The following FGD4 variants were observed in gnomAD, a reference collection of about 807,000 sequenced individuals.
The protein encoded by FGD4 is FYVE, RhoGEF and PH domain-containing protein 4.
Under a neutral mutation model 102.0 loss-of-function variants are expected in FGD4, and 42 were observed. The observed-to-expected ratio is 0.41, with a 90% CI of 0.32 to 0.53. FGD4 has a LOEUF of 0.53. FGD4 is among the 20% of genes least tolerant of loss of function. FGD4 has a pLI of 0.21. For missense variants in FGD4, 902 were observed against 1,078.2 expected (o/e 0.84, Z 2.29); for synonymous variants, 380 against 375.7 (o/e 1.01, Z -0.13).
chr12:32,644,366 AGGT>A lies in FGD4; in HGVS notation c.*3834_*3836del, dbSNP rs1355317904. 6.6e-6 allele frequency: 1 copy of A among 152,188 alleles called. No individual in the cohort carries two copies. Among genetic ancestry groups the A allele is most frequent in the Non-Finnish European group, 1.5e-5 (1 of 68,008 alleles). 9.4% of individuals were successfully genotyped at this position (152,188 alleles called of 1,614,324 possible). ...ATGACTATGATACATAAAGACCACTAGGTCAACTTAAAAAACCCTTTCTGTGAA... is the reference window on the plus strand; with the variant it reads ...ATGACTATGATACATAAAGACCACTACAACTTAAAAAACCCTTTCTGTGAA... On this transcript the variant is annotated 3_prime_UTR_variant, in exon 17 of 17. Coordinates refer to ENST00000534526, the MANE Select transcript of FGD4 (RefSeq NM_001370298.3).
intron 1 of FGD4, among the ~76,000 whole-genome samples, chr12:32,517,044 T>C (rs1309502450): frequency 6.6e-6 from 1 of 152,220 alleles, no homozygotes; most frequent in Admixed American, 6.5e-5. Context: ...TTAGTGAAGC[T>C]TCTTTATTAA....
At chr12:32,525,286 G>A (rs12146714) in intron 1 of FGD4, among the ~76,000 whole-genome samples, 84 of 152,308 alleles carry the variant, frequency 5.5e-4, no homozygotes, top group Non-Finnish European at 1.0e-3. Flanking sequence ...TCATAACAAG[G>A]CTGTGAGAGT....
chr12:32,480,787 C>T (rs1424340784), intron 1 of FGD4, among the ~76,000 whole-genome samples: 9 of 149,458 alleles, frequency 6.0e-5, no homozygotes, highest in Non-Finnish European at 1.0e-4. Flanking sequence ...GCGTGAGCCA[C>T]CACGCCCGGC....
At chr12:32,539,078 TAAGA>T (rs962446212) in intron 1 of FGD4, among the ~76,000 whole-genome samples, 1 of 151,696 alleles carries the variant, frequency 6.6e-6, no homozygotes, top group African/African-American at 2.4e-5. Flanking sequence ...TAAAAATAAA[TAAGA>T]AAAAGAGGTC....
At chr12:32,470,674 G>A (rs1020037018) in intron 1 of FGD4, among the ~76,000 whole-genome samples, 2 of 151,906 alleles carry the variant, frequency 1.3e-5, no homozygotes, top group African/African-American at 4.8e-5. Context: ...TGCTGGTCTC[G>A]AACTCCTGAC....
chr12:32,566,375 C>G (rs1945189325), intron 2 of FGD4, among the ~76,000 whole-genome samples: 1 of 152,162 alleles, frequency 6.6e-6, no homozygotes, highest in African/African-American at 2.4e-5. Context: ...GGGACACAAA[C>G]AAACACTCAG....
chr12:32,414,098 A>G (rs889030294), intron 1 of FGD4, among the ~76,000 whole-genome samples: 2 of 151,004 alleles, frequency 1.3e-5, no homozygotes, highest in Non-Finnish European at 2.9e-5. Context: ...CAGCCTCCTG[A>G]GTAGCTGGGA....
intron 2 of FGD4, among the ~76,000 whole-genome samples, chr12:32,566,826 C>G (rs917232211): frequency 2.0e-4 from 31 of 152,296 alleles, no homozygotes; most frequent in African/African-American, 7.2e-4. Context: ...TTTGTTCCTG[C>G]CTCACTGCAA....
chr12:32,585,727 G>A (rs140809045), intron 4 of FGD4, among the ~76,000 whole-genome samples: 2,984 of 151,234 alleles, frequency 0.02, 115 homozygotes, highest in African/African-American at 0.07. Flanking sequence ...CCAGCTACTC[G>A]GGAGGCTTAG....
chr12:32,418,063 TCTCC>T (rs1217534556), intron 1 of FGD4, among the ~76,000 whole-genome samples: 1 of 151,500 alleles, frequency 6.6e-6, no homozygotes, highest in Non-Finnish European at 1.5e-5. Flanking sequence ...TTCACGCCAT[TCTCC>T]TGCCTCAGCC....
chr12:32,634,181 G>T (rs1312290759), intron 15 of FGD4, among the ~76,000 whole-genome samples: 2 of 152,006 alleles, frequency 1.3e-5, no homozygotes, highest in Non-Finnish European at 2.9e-5. Flanking sequence ...ATTTAAGAAT[G>T]AAATACATTG....
chr12:32,418,192 G>A (rs1420392805), intron 1 of FGD4, among the ~76,000 whole-genome samples: 3 of 151,914 alleles, frequency 2.0e-5, no homozygotes, highest in South Asian at 2.1e-4. Context: ...TCCTGACCTC[G>A]TGATCCGCCC....
intron 1 of FGD4, among the ~76,000 whole-genome samples, chr12:32,485,265 TG>T (rs1352534792): frequency 2.0e-5 from 3 of 152,172 alleles, no homozygotes; most frequent in Non-Finnish European, 4.4e-5. Flanking sequence ...AGAAATTACT[TG>T]GGATTGCTAG....
At chr12:32,440,982 C>T (rs1016698230) in intron 1 of FGD4, among the ~76,000 whole-genome samples, 2 of 152,132 alleles carry the variant, frequency 1.3e-5, no homozygotes, top group Non-Finnish European at 2.9e-5. Context: ...CCTTTAAGGC[C>T]CAAGGTCTCT....
Position 32,582,118 on chromosome 12 carries a change from G to T in FGD4, c.662G>T (p.Gly221Val), listed in dbSNP as rs1946663312. ...GGAAATGATACAGATAAGACTCAGG[G>T]TGCACAGACTTGTGTGGCCAACGGT... ...RQGNDTDKTQGAQTCVANGVM... is the reference protein window; with the variant it reads ...RQGNDTDKTQVAQTCVANGVM... The change falls in exon 4 of 17, where the codon GGT becomes GTT. Residue 221 changes from glycine (G) to valine (V), a missense_variant. This residue lies in a region of FGD4 where 443 missense variants were observed against 459.2 expected (regional missense o/e 0.96). Coordinates refer to ENST00000534526, the MANE Select transcript of FGD4 (RefSeq NM_001370298.3). 1.2e-6 allele frequency: 2 copies of T among 1,614,078 alleles called. No individual in the cohort carries two copies. The highest frequency in any genetic ancestry group is 1.1e-5 in the South Asian group (1 of 91,092).
At position 32,564,265 on chromosome 12, in the gene FGD4, T is replaced by C. The variant is rs533851140; in HGVS notation, c.295T>C (p.Ser99Pro). Residue 99 changes from serine (S) to proline (P), a missense_variant, in exon 2 of 17, where the codon TCA becomes CCA. Ser to Pro is a moderately conservative substitution (Grantham distance 74). Coordinates refer to ENST00000534526, the MANE Select transcript of FGD4 (RefSeq NM_001370298.3). The stretch of plus-strand genomic sequence containing the variant: ...AAATGGGAACAGGCCAGCAAAACAC[T>C]CAGCTGCAAGTCCAAAGCCACAAGG... ...GINGNRPAKH[S>P]AASPKPQVPP... 2.0e-6 allele frequency: 3 copies of C among 1,535,958 alleles called. No homozygotes were observed. The highest frequency in any genetic ancestry group is 1.4e-5 in the African/African-American group (1 of 73,108).
rs535272079 is a variant in FGD4, at chr12:32,504,279, G to A, written c.167-59858G>A. On this transcript the variant is annotated intron_variant, in intron 1 of 16. Transcript: ENST00000534526. ...AACCCTTCACAGAAATAGGTGAAGA[G>A]TGGGCAGCAGGGACAGTCCCTGGAG... Among the ~76,000 whole-genome samples the A allele has an allele frequency of 4.6e-5, 7 of 152,278 alleles. 1 individual carries two copies. In the South Asian group the frequency reaches 1.2e-3, roughly 27 times the overall value.
intron 1 of FGD4, among the ~76,000 whole-genome samples, chr12:32,453,198 TATTA>T (rs1224527637): frequency 1.4e-4 from 5 of 34,546 alleles, no homozygotes; most frequent in African/African-American, 2.0e-4. Context: ...TTTATATATA[TATTA>T]TATATATATA....
At chr12:32,638,360 C>T (rs1485412942) in intron 15 of FGD4, among the ~76,000 whole-genome samples, 2 of 152,116 alleles carry the variant, frequency 1.3e-5, no homozygotes, top group East Asian at 3.9e-4. Flanking sequence ...GAAAATACTA[C>T]CTTCTCAGTG....
Sources: allele counts gnomAD v4.1 joint callset (sites outside exome capture counted in the v4.1 genomes callset), GRCh38; gene constraint gnomAD v4.1.1; regional missense constraint gnomAD v4.1.1; transcripts MANE v1.5; gene names NCBI Gene and HGNC (gene_info 2026-07-23, HGNC 2026-07-21).